The following ZBTB20 variants were observed in gnomAD, a reference collection of about 807,000 sequenced individuals.
ZBTB20 encodes the protein zinc finger and BTB domain containing 20, also known as zinc finger and BTB domain-containing protein 20.
ZBTB20 carries 9 observed loss-of-function variants against 56.9 expected under a neutral mutation model. The ratio of observed to expected loss-of-function variants is 0.16; its 90% CI spans 0.10 to 0.28. The LOEUF is 0.28. Among genes scored for constraint, ZBTB20 ranks in the 10% least tolerant of loss-of-function variants. The pLI is 1.00. For synonymous variants in ZBTB20, 417 were observed against 420.7 expected (o/e 0.99, Z 0.11); for missense variants, 655 against 1,003.0 (o/e 0.65, Z 4.69).
chr3:114,721,951 G>A (rs1342651388), intron 5 of ZBTB20, among the ~76,000 whole-genome samples: 2 of 152,130 alleles, frequency 1.3e-5, no homozygotes, highest in Admixed American at 6.5e-5. Context: ...TACAATAAAA[G>A]CCACAGAAGC....
At chr3:114,468,061 G>T (rs2092620899) in intron 7 of ZBTB20, among the ~76,000 whole-genome samples, 1 of 152,128 alleles carries the variant, frequency 6.6e-6, no homozygotes, top group African/African-American at 2.4e-5. Flanking sequence ...TCTGTTCCAA[G>T]ATTTTTTTTA....
At chr3:114,393,458 C>G (rs2086065225) in intron 7 of ZBTB20, among the ~76,000 whole-genome samples, 1 of 152,162 alleles carries the variant, frequency 6.6e-6, no homozygotes, top group South Asian at 2.1e-4. Flanking sequence ...CTTTCTCAGT[C>G]CCACATCCTG....
intron 2 of ZBTB20, among the ~76,000 whole-genome samples, chr3:115,054,301 G>A (rs891062410): frequency 6.6e-6 from 1 of 152,042 alleles, no homozygotes; most frequent in Non-Finnish European, 1.5e-5. Flanking sequence ...TTCCAGGAAA[G>A]CGCTGAAATA....
chr3:115,049,548 A>G (rs190983262), intron 2 of ZBTB20, among the ~76,000 whole-genome samples: 1 of 152,274 alleles, frequency 6.6e-6, no homozygotes, highest in Admixed American at 6.5e-5. Flanking sequence ...ATTTTGTACA[A>G]TATTTTATAA....
intron 4 of ZBTB20, among the ~76,000 whole-genome samples, chr3:114,854,969 T>C (rs618489): frequency 0.99 from 150,766 of 152,316 alleles, 74,645 homozygotes; most frequent in Middle Eastern, 1. Context: ...CAATCAGCTT[T>C]CTTTTGTCTA....
chr3:115,077,408 A>G (rs1219754099), intron 1 of ZBTB20, among the ~76,000 whole-genome samples: 1 of 152,220 alleles, frequency 6.6e-6, no homozygotes, highest in Non-Finnish European at 1.5e-5. Context: ...TTGCCCTTCC[A>G]CAATGTGTGG....
intron 2 of ZBTB20, among the ~76,000 whole-genome samples, chr3:115,036,998 G>C (rs1390355132): frequency 1.3e-5 from 2 of 152,146 alleles, no homozygotes; most frequent in African/African-American, 2.4e-5. Context: ...ATTCAGGACA[G>C]TCTTTAAGGT....
chr3:114,360,238 C>A (rs1312306180), intron 10 of ZBTB20, among the ~76,000 whole-genome samples: 1 of 151,888 alleles, frequency 6.6e-6, no homozygotes, highest in Non-Finnish European at 1.5e-5. Context: ...CTCAAATGTT[C>A]TCTTCCCTTG....
chr3:114,715,880 T>G (rs2064444344), intron 5 of ZBTB20, among the ~76,000 whole-genome samples: 1 of 152,222 alleles, frequency 6.6e-6, no homozygotes. Context: ...CAGATTCTTT[T>G]AGCCCATTTT....
chr3:114,381,923 T>C (rs2084398687), intron 8 of ZBTB20, among the ~76,000 whole-genome samples: 1 of 152,208 alleles, frequency 6.6e-6, no homozygotes. Flanking sequence ...CCTTATCAAT[T>C]GATTTTTGAA....
chr3:114,807,395 C>A (rs1341617801), intron 4 of ZBTB20, among the ~76,000 whole-genome samples: 1 of 151,804 alleles, frequency 6.6e-6, no homozygotes, highest in Non-Finnish European at 1.5e-5. Context: ...TTTCTTTCTG[C>A]TGGTCTGTCT....
chr3:114,668,217 A>G (rs2061166332), intron 6 of ZBTB20, among the ~76,000 whole-genome samples: 1 of 152,022 alleles, frequency 6.6e-6, no homozygotes, highest in African/African-American at 2.4e-5. Flanking sequence ...ACCTTAAAAG[A>G]TGACTGTGGA....
chr3:114,746,997 G>A (rs1395699266), intron 5 of ZBTB20, among the ~76,000 whole-genome samples: 1 of 152,140 alleles, frequency 6.6e-6, no homozygotes, highest in Non-Finnish European at 1.5e-5. Flanking sequence ...GAGGGAATGG[G>A]ACATATACAT....
At chr3:114,905,864 T>A (rs542939269) in intron 3 of ZBTB20, among the ~76,000 whole-genome samples, 1 of 151,862 alleles carries the variant, frequency 6.6e-6, no homozygotes, top group Non-Finnish European at 1.5e-5. Context: ...ATACTCGGTA[T>A]GGAAGAAACT....
intron 2 of ZBTB20, among the ~76,000 whole-genome samples, chr3:115,064,537 C>T (rs1056394923): frequency 1.1e-4 from 17 of 149,916 alleles, no homozygotes; most frequent in Admixed American, 4.0e-4. Context: ...CTGCAACCTC[C>T]GCCTCCCGGG....
intron 1 of ZBTB20, among the ~76,000 whole-genome samples, chr3:115,117,145 AT>A (rs1273804884): frequency 1.3e-5 from 2 of 152,144 alleles, no homozygotes; most frequent in African/African-American, 4.8e-5. Flanking sequence ...CTCTTTGATT[AT>A]TTATACTAAC....
chr3:115,129,470 G>A (rs1162769425), intron 1 of ZBTB20, among the ~76,000 whole-genome samples: 1 of 152,120 alleles, frequency 6.6e-6, no homozygotes, highest in Non-Finnish European at 1.5e-5. Flanking sequence ...ACTAATGTAG[G>A]TATTTCCTAA....
rs576030224 is a variant in ZBTB20, at chr3:114,373,724, C to T, written c.199+6493G>A. 3.7e-4 allele frequency among the ~76,000 whole-genome samples: 56 copies of T among 152,258 alleles called. No homozygotes were observed. In the Middle Eastern group the frequency reaches 0.01, roughly 28 times the overall value. On this transcript the variant is annotated intron_variant, in intron 10 of 11. Transcript: ENST00000675478. ...AAAGTGTGGGGATGGGGTCTTATTCCTATCTTCGTCCCTAATCTTAGCTGA... is the reference window on the plus strand; with the variant it reads ...AAAGTGTGGGGATGGGGTCTTATTCTTATCTTCGTCCCTAATCTTAGCTGA...
chr3:114,741,027 G>A (rs2066531609), intron 5 of ZBTB20, among the ~76,000 whole-genome samples: 1 of 152,176 alleles, frequency 6.6e-6, no homozygotes, highest in Non-Finnish European at 1.5e-5. Context: ...GGCTGAGATG[G>A]ACTCCTTGGC....
Sources: allele counts gnomAD v4.1 joint callset (sites outside exome capture counted in the v4.1 genomes callset), GRCh38; gene constraint gnomAD v4.1.1; transcripts MANE v1.5; gene names NCBI Gene and HGNC (gene_info 2026-07-23, HGNC 2026-07-21).